SGK3: variants seen among roughly 807,000 people sequenced by gnomAD.
The protein encoded by SGK3 is serum/glucocorticoid regulated kinase family member 3, also known as serine/threonine-protein kinase Sgk3.
In SGK3, 47 loss-of-function variants were observed where a neutral mutation model predicts 68.5. That is an observed-to-expected ratio of 0.69 (90% CI 0.54 to 0.87). The LOEUF (loss-of-function observed/expected upper bound fraction) is 0.87. Ranked by LOEUF, SGK3 falls within the 40% of genes least tolerant of loss-of-function variation. The pLI, the probability that SGK3 is intolerant of heterozygous loss-of-function variation, is 0.00. For missense variants in SGK3, 479 were observed against 575.5 expected (o/e 0.83, Z 1.72); for synonymous variants, 181 against 189.1 (o/e 0.96, Z 0.35).
At chr8:66,759,867 G>C (rs994545348) in intron 1 of SGK3, among the ~76,000 whole-genome samples, 5 of 152,074 alleles carry the variant, frequency 3.3e-5, no homozygotes, top group Non-Finnish European at 7.4e-5. Flanking sequence ...TTACAGGCAT[G>C]AGCCACCACG....
At chr8:66,765,353 T>C (rs11997967) in intron 1 of SGK3, among the ~76,000 whole-genome samples, 19,743 of 152,274 alleles carry the variant, frequency 0.13, 2,429 homozygotes, top group African/African-American at 0.32. Flanking sequence ...ATTTGTATAT[T>C]TTCTTTGCAG....
intron 1 of SGK3, among the ~76,000 whole-genome samples, chr8:66,738,422 C>A (rs1805386066): frequency 6.6e-6 from 1 of 152,210 alleles, no homozygotes. Context: ...ATACCATCTT[C>A]ATTTCCTGCA....
chr8:66,734,731 G>A (rs1805268526), intron 1 of SGK3, among the ~76,000 whole-genome samples: 1 of 152,068 alleles, frequency 6.6e-6, no homozygotes, highest in African/African-American at 2.4e-5. Context: ...CAGATCACTT[G>A]AGGTCAGGAG....
chr8:66,790,392 G>A (rs1298935711), intron 1 of SGK3, among the ~76,000 whole-genome samples: 1 of 152,190 alleles, frequency 6.6e-6, no homozygotes, highest in Non-Finnish European at 1.5e-5. Context: ...AGAGATACAG[G>A]CAGCTGCTTT....
At chr8:66,847,738 C>A (rs979104614) in intron 15 of SGK3, among the ~76,000 whole-genome samples, 1 of 152,086 alleles carries the variant, frequency 6.6e-6, no homozygotes, top group South Asian at 2.1e-4. Flanking sequence ...CAGAGACTAA[C>A]CAACTAGTAA....
At chr8:66,846,733 T>TA (rs1452749237) in intron 14 of SGK3, among the ~76,000 whole-genome samples, 4 of 152,368 alleles carry the variant, frequency 2.6e-5, no homozygotes, top group Non-Finnish European at 5.9e-5. Flanking sequence ...AGTACAGTCA[T>TA]AATATTATCT....
At chr8:66,736,458 A>T (rs907962262) in intron 1 of SGK3, among the ~76,000 whole-genome samples, 1 of 151,748 alleles carries the variant, frequency 6.6e-6, no homozygotes, top group Non-Finnish European at 1.5e-5. Flanking sequence ...AGTAATTAAT[A>T]ATATATATAT....
intron 1 of SGK3, among the ~76,000 whole-genome samples, chr8:66,760,000 G>A (rs913335926): frequency 1.3e-5 from 2 of 152,096 alleles, no homozygotes; most frequent in Non-Finnish European, 2.9e-5. Flanking sequence ...TACTACAACC[G>A]CTTACATTTT....
chr8:66,809,755 G>T (rs1269657945), intron 4 of SGK3, among the ~76,000 whole-genome samples: 1 of 152,182 alleles, frequency 6.6e-6, no homozygotes, highest in Non-Finnish European at 1.5e-5. Flanking sequence ...GAAAATCCTC[G>T]TACAACTTCT....
chr8:66,722,520 C>T (rs2130338265), intron 1 of SGK3, among the ~76,000 whole-genome samples: 1 of 152,362 alleles, frequency 6.6e-6, no homozygotes. Flanking sequence ...GATCCGCCCA[C>T]CTTGGCCTCC....
intron 1 of SGK3, among the ~76,000 whole-genome samples, chr8:66,725,973 G>T (rs970421537): frequency 6.6e-6 from 1 of 151,916 alleles, no homozygotes; most frequent in Non-Finnish European, 1.5e-5. Context: ...TATCATCATG[G>T]TTATAATTTA....
chr8:66,734,494 A>G (rs1805260934), intron 1 of SGK3, among the ~76,000 whole-genome samples: 1 of 152,174 alleles, frequency 6.6e-6, no homozygotes, highest in South Asian at 2.1e-4. Context: ...TTTCCTGGGA[A>G]AAGTAGGAGG....
chr8:66,716,690 G>A (rs1265652023), intron 1 of SGK3, among the ~76,000 whole-genome samples: 1 of 152,122 alleles, frequency 6.6e-6, no homozygotes. Flanking sequence ...GAGGTCTTGT[G>A]GCAGAGGATT....
intron 1 of SGK3, among the ~76,000 whole-genome samples, chr8:66,720,076 C>A (rs1804753326): frequency 6.6e-6 from 1 of 152,218 alleles, no homozygotes; most frequent in African/African-American, 2.4e-5. Context: ...CCAGCCCTGG[C>A]TAACACTCTT....
intron 16 of SGK3, among the ~76,000 whole-genome samples, chr8:66,855,142 C>A (rs971576726): frequency 1.3e-5 from 2 of 152,010 alleles, no homozygotes; most frequent in Non-Finnish European, 2.9e-5. Flanking sequence ...AAAGCATGAC[C>A]CAGAAGCCAT....
chr8:66,859,573 T>C lies in SGK3; in HGVS notation c.1483T>C (p.Phe495Leu). The C allele has an allele frequency of 6.2e-7, 1 of 1,608,546 alleles. No homozygotes were observed. The highest frequency in any genetic ancestry group is 1.1e-5 in the South Asian group (1 of 90,250). Residue 495 changes from phenylalanine to leucine, a missense_variant, in exon 17 of 17, where the codon TTT (phenylalanine) becomes CTT (leucine). By Grantham distance (22) the Phe-to-Leu change is conservative (BLOSUM62 0). Coordinates refer to ENST00000521198, the MANE Select transcript of SGK3 (RefSeq NM_001033578.3). ...TTATGCACCTCCTTCAGAAGACTTA[T>C]TTTTGTGAGCAGTTTGCCATTCAGA... ...FSYAPPSEDL[F>L]L is the part of the protein sequence containing the mutation.
chr8:66,825,627 A>G (rs1028368855), intron 6 of SGK3, among the ~76,000 whole-genome samples: 1 of 152,178 alleles, frequency 6.6e-6, no homozygotes, highest in African/African-American at 2.4e-5. Context: ...TTTTAAGTGA[A>G]TAACTAAGTG....
At chr8:66,795,422 T>A (rs1401625181) in intron 2 of SGK3, among the ~76,000 whole-genome samples, 2 of 152,242 alleles carry the variant, frequency 1.3e-5, no homozygotes, top group Non-Finnish European at 2.9e-5. Flanking sequence ...CAGTATCACA[T>A]TGAAGGTAAA....
At chr8:66,839,733 G>T in intron 10 of SGK3, 1 of 323,958 alleles carries the variant, frequency 3.1e-6, no homozygotes, top group Non-Finnish European at 5.6e-6. Context: ...CTGGAAGGGT[G>T]AGGACATTTT....
Sources: allele counts gnomAD v4.1 joint callset (sites outside exome capture counted in the v4.1 genomes callset), GRCh38; gene constraint gnomAD v4.1.1; transcripts MANE v1.5; gene names NCBI Gene and HGNC (gene_info 2026-07-23, HGNC 2026-07-21).